Variants in XYLT1 observed in about 807,000 individuals in gnomAD.
XYLT1 encodes the protein xylosyltransferase 1.
XYLT1 carries 36 observed loss-of-function variants against 91.3 expected under a neutral mutation model. The ratio of observed to expected loss-of-function variants is 0.39; its 90% confidence interval spans 0.30 to 0.52. The LOEUF (loss-of-function observed/expected upper bound fraction) is 0.52, where lower values mean the gene tolerates loss of function less well. Ranked by LOEUF, XYLT1 falls within the 20% of genes least tolerant of loss-of-function variation. The pLI, the probability that XYLT1 is intolerant of heterozygous loss-of-function variation, is 0.68. For missense variants in XYLT1, 1,242 were observed against 1,284.5 expected (o/e 0.97, Z 0.51); for synonymous variants, 588 against 532.0 (o/e 1.11, Z -1.45).
intron 1 of XYLT1, among the ~76,000 whole-genome samples, chr16:17,372,918 T>C (rs1281772563): frequency 6.6e-6 from 1 of 152,178 alleles, no homozygotes; most frequent in Non-Finnish European, 1.5e-5. Context: ...CAAATACGTA[T>C]TTCTTTTAAA....
chr16:17,233,333 G>A (rs1001126823), intron 3 of XYLT1, among the ~76,000 whole-genome samples: 1 of 152,232 alleles, frequency 6.6e-6, no homozygotes, highest in African/African-American at 2.4e-5. Context: ...CTTGAAAACA[G>A]TGAGTGATGG....
At chr16:17,323,206 C>T (rs2034750588) in intron 2 of XYLT1, among the ~76,000 whole-genome samples, 1 of 152,238 alleles carries the variant, frequency 6.6e-6, no homozygotes, top group Non-Finnish European at 1.5e-5. Flanking sequence ...TCTATGATAT[C>T]CCTCTCCAGA....
intron 2 of XYLT1, among the ~76,000 whole-genome samples, chr16:17,325,875 A>G (rs2034793229): frequency 1.3e-5 from 2 of 152,242 alleles, no homozygotes; most frequent in African/African-American, 4.8e-5. Flanking sequence ...ATCATTTCTA[A>G]GCATGAACTG....
chr16:17,287,535 C>A (rs2034160282), intron 2 of XYLT1, among the ~76,000 whole-genome samples: 4 of 152,354 alleles, frequency 2.6e-5, no homozygotes, highest in African/African-American at 7.2e-5. Context: ...CACACAGTGA[C>A]CTTTCCTGAT....
chr16:17,138,242 C>T lies in XYLT1; in HGVS notation c.1764+113G>A, dbSNP rs983847734. On this transcript the variant is annotated intron_variant, in intron 8 of 11. Coordinates refer to ENST00000261381, the MANE Select transcript of XYLT1 (RefSeq NM_022166.4). ...GTTAACTATTATTAATTATCAACAG[C>T]CAGGTTTGGGCACCATGTGATAAGA... 9 of 1,257,292 alleles carry T rather than the reference C, an allele frequency of 7.2e-6. No individual in the cohort carries two copies. The Middle Eastern group carries it at 8.4e-4, about 118-fold the overall frequency. 77.9% of individuals were successfully genotyped at this position (1,257,292 alleles called of 1,614,324 possible).
chr16:17,232,219 C>A (rs1185857806), intron 3 of XYLT1, among the ~76,000 whole-genome samples: 1 of 118,784 alleles, frequency 8.4e-6, no homozygotes, highest in African/African-American at 3.5e-5. Flanking sequence ...ATTATATATA[C>A]ACCTTCATAT....
intron 2 of XYLT1, among the ~76,000 whole-genome samples, chr16:17,351,512 CA>C (rs896073705): frequency 2.7e-5 from 4 of 150,906 alleles, no homozygotes; most frequent in Non-Finnish European, 5.9e-5. Flanking sequence ...GACTCTGTCT[CA>C]AAAAAAATAA....
At chr16:17,349,730 G>T (rs2035194224) in intron 2 of XYLT1, among the ~76,000 whole-genome samples, 2 of 151,162 alleles carry the variant, frequency 1.3e-5, no homozygotes, top group African/African-American at 4.9e-5. Flanking sequence ...TCCATGTAAA[G>T]AACTTAATTT....
At chr16:17,187,276 C>G in intron 5 of XYLT1, among the ~76,000 whole-genome samples, 1 of 151,544 alleles carries the variant, frequency 6.6e-6, no homozygotes, top group Non-Finnish European at 1.5e-5. Flanking sequence ...TGCCTGTAAT[C>G]CCAGCTACTC....
At chr16:17,410,996 T>C (rs2036100599) in intron 1 of XYLT1, among the ~76,000 whole-genome samples, 1 of 152,188 alleles carries the variant, frequency 6.6e-6, no homozygotes, top group Non-Finnish European at 1.5e-5. Context: ...CAGATTGCTG[T>C]CAATGGTCTA....
intron 1 of XYLT1, 25 bp downstream of exon 1, chr16:17,470,409 G>A (rs1487522286): frequency 8.2e-7 from 1 of 1,225,592 alleles, no homozygotes; most frequent in Non-Finnish European, 1.0e-6. Context: ...CTCGCCGCGG[G>A]GCGCGAGCCG....
At chr16:17,208,958 T>C (rs2310848) in intron 3 of XYLT1, among the ~76,000 whole-genome samples, 48,190 of 152,160 alleles carry the variant, frequency 0.32, 8,235 homozygotes, top group East Asian at 0.54. Flanking sequence ...AACTCTTGAC[T>C]GCAGGTGATC....
intron 1 of XYLT1, among the ~76,000 whole-genome samples, chr16:17,361,323 A>G (rs1368881425): frequency 6.6e-6 from 1 of 152,196 alleles, no homozygotes; most frequent in Non-Finnish European, 1.5e-5. Context: ...CCCCGCCTAG[A>G]TCAGCCGACC....
At chr16:17,370,603 C>A (rs2035520508) in intron 1 of XYLT1, among the ~76,000 whole-genome samples, 1 of 152,212 alleles carries the variant, frequency 6.6e-6, no homozygotes, top group Non-Finnish European at 1.5e-5. Flanking sequence ...GTTTAGCCAG[C>A]ACTTTGAGAA....
chr16:17,437,213 G>GA (rs907923815), intron 1 of XYLT1, among the ~76,000 whole-genome samples: 62 of 151,680 alleles, frequency 4.1e-4, no homozygotes, highest in African/African-American at 1.5e-3. Context: ...AAGGAAAAAA[G>GA]AAAAAAAACG....
intron 3 of XYLT1, among the ~76,000 whole-genome samples, chr16:17,254,356 T>C (rs1451460224): frequency 2.0e-5 from 3 of 152,178 alleles, no homozygotes; most frequent in Non-Finnish European, 4.4e-5. Flanking sequence ...CCTTATGATT[T>C]TCTTAACTTC....
chr16:17,246,202 A>C (rs1034851023), intron 3 of XYLT1, among the ~76,000 whole-genome samples: 2 of 152,226 alleles, frequency 1.3e-5, no homozygotes, highest in Admixed American at 6.5e-5. Context: ...TTGAATACAA[A>C]GTTGTTATGA....
At chr16:17,470,397 C>A in intron 1 of XYLT1, 37 bp downstream of exon 1, 1 of 1,222,310 alleles carries the variant, frequency 8.2e-7, no homozygotes. Flanking sequence ...CTTCCTCCCT[C>A]CCTCGCCGCG....
intron 1 of XYLT1, among the ~76,000 whole-genome samples, chr16:17,377,457 T>C (rs966367122): frequency 5.9e-5 from 9 of 152,152 alleles, no homozygotes; most frequent in Admixed American, 2.6e-4. Flanking sequence ...CCAGGCTCTT[T>C]GTTTGGCGGG....
Sources: allele counts gnomAD v4.1 joint callset (sites outside exome capture counted in the v4.1 genomes callset), GRCh38; gene constraint gnomAD v4.1.1; transcripts MANE v1.5; gene names NCBI Gene and HGNC (gene_info 2026-07-23, HGNC 2026-07-21).